The following DNMT1 variants were observed in gnomAD, a reference collection of about 807,000 sequenced individuals.
DNMT1 encodes the protein DNA methyltransferase 1.
Under a neutral mutation model 205.3 loss-of-function variants are expected in DNMT1, and 24 were observed. The observed-to-expected ratio is 0.12, with a 90% CI of 0.08 to 0.16. The LOEUF is 0.16. DNMT1 is among the 10% of genes least tolerant of loss of function. The pLI, the probability that DNMT1 is intolerant of heterozygous loss-of-function variation, is 1.00. For missense variants in DNMT1, 1,293 were observed against 2,177.7 expected (o/e 0.59, Z 8.09); for synonymous variants, 817 against 839.8 (o/e 0.97, Z 0.47).
At chr19:10,172,671 C>T (rs1375178928) in intron 9 of DNMT1, among the ~76,000 whole-genome samples, 3 of 151,530 alleles carry the variant, frequency 2.0e-5, no homozygotes, top group African/African-American at 7.3e-5. Context: ...TAAAATTAGC[C>T]GAGTATGGCG....
rs760739305 is a variant in DNMT1, at chr19:10,194,801, T to TC, written c.80+18dup. Reference sequence around the variant, plus strand: ...CCTGCCTGTCCCCCTGAGTCCGTGTTCCCCCCCATGGTACCTACCGCCTGC... The same window carrying TC: ...CCTGCCTGTCCCCCTGAGTCCGTGTTCCCCCCCCATGGTACCTACCGCCTGC... On this transcript the variant is annotated intron_variant, in intron 1 of 40. Coordinates refer to ENST00000359526, the MANE Select transcript of DNMT1 (RefSeq NM_001130823.3). 7.6e-5 allele frequency: 123 copies of TC among 1,609,360 alleles called. No homozygotes were observed. Among genetic ancestry groups the TC allele is most frequent in the South Asian group, 2.5e-4 (23 of 90,698 alleles).
In DNMT1 at chr19:10,133,745, G is replaced by A. The variant is rs200717730; in HGVS notation, c.4865-44C>T. 25 of 1,561,032 alleles carry A rather than the reference G, an allele frequency of 1.6e-5. No homozygotes were observed. The East Asian group carries it at 1.9e-4, about 12-fold the overall frequency. On this transcript the variant is annotated intron_variant, in intron 40 of 40. Transcript: ENST00000359526. The surrounding 1 kb of genome is among the most constrained non-coding windows in gnomAD (Gnocchi z 4.1). ...AAAAGTCACTCTGGGGAACACGCCC[G>A]GTGTCACGCCACTTGACAGGCGAGT...
chr19:10,172,000 C>A (rs1411625034), intron 9 of DNMT1, among the ~76,000 whole-genome samples: 1 of 149,742 alleles, frequency 6.7e-6, no homozygotes, highest in Non-Finnish European at 1.5e-5. Context: ...GAGCGGGAGA[C>A]TGTCTCAAAA....
At chr19:10,175,084 T>TATACACACAC (rs2038908794) in intron 7 of DNMT1, among the ~76,000 whole-genome samples, 4 of 113,904 alleles carry the variant, frequency 3.5e-5, no homozygotes, top group Non-Finnish European at 7.2e-5. Flanking sequence ...CATACATACA[T>TATACACACAC]ACACACACAC....
In DNMT1 at chr19:10,175,637, C is replaced by T; in HGVS notation, c.570-19G>A. 1 of 1,613,834 alleles carries T rather than the reference C, an allele frequency of 6.2e-7. No homozygotes were observed. The highest frequency in any genetic ancestry group is 1.1e-5 in the South Asian group (1 of 91,066). On this transcript the variant is annotated intron_variant, in intron 6 of 40. Coordinates refer to ENST00000359526, the MANE Select transcript of DNMT1 (RefSeq NM_001130823.3). The stretch of plus-strand genomic sequence containing the variant: ...GGCAGGGCTGTCACACACAGTGAGG[C>T]CAACCATTAGTGGAACAAGACCCTA...
At chr19:10,177,868 G>A (rs1456977600) in intron 5 of DNMT1, among the ~76,000 whole-genome samples, 1 of 151,468 alleles carries the variant, frequency 6.6e-6, no homozygotes, top group East Asian at 1.9e-4. Context: ...AGGAGATGGG[G>A]GTTGCCGTGA....
intron 17 of DNMT1, among the ~76,000 whole-genome samples, chr19:10,157,441 G>A (rs1169091654): frequency 2.6e-5 from 4 of 152,120 alleles, no homozygotes; most frequent in African/African-American, 7.2e-5. Context: ...TTGACATTCG[G>A]GAGCACGTTC....
chr19:10,171,566 G>A (rs188335085), intron 9 of DNMT1, among the ~76,000 whole-genome samples: 1 of 152,282 alleles, frequency 6.6e-6, no homozygotes, highest in African/African-American at 2.4e-5. Context: ...AGCACTTTGG[G>A]AGGCCGAGAT....
chr19:10,136,296 C>T lies in DNMT1; in HGVS notation c.4490-9G>A, dbSNP rs2089481471. The T allele has an allele frequency of 1.2e-6, 2 of 1,613,570 alleles. No homozygotes were observed. The highest frequency in any genetic ancestry group is 1.7e-6 in the Non-Finnish European group (2 of 1,179,988). The stretch of plus-strand genomic sequence containing the variant: ...GTCGCAGGCTTTGCCGGCTGGAAGA[C>T]AGGACAGTGATGAGGCTGCAGTTGT... On this transcript the variant is annotated splice_polypyrimidine_tract_variant and intron_variant, in intron 37 of 40. Coordinates refer to ENST00000359526, the MANE Select transcript of DNMT1 (RefSeq NM_001130823.3).
Position 10,144,361 on chromosome 19 carries a change from T to C in DNMT1, c.2895-374A>G, listed in dbSNP as rs541211091. 45 of 334,872 alleles carry C rather than the reference T, an allele frequency of 1.3e-4. 1 individual carries two copies. The highest frequency in any genetic ancestry group is 6.2e-4 in the African/African-American group (29 of 46,552). 20.7% of individuals were successfully genotyped at this position (334,872 alleles called of 1,614,324 possible). Reference sequence around the variant, plus strand: ...AGGCAGAGGTTGCAGTGAGCTGAGATTGTGCCACTGCACTCCAGCCTGTGT... The same window carrying C: ...AGGCAGAGGTTGCAGTGAGCTGAGACTGTGCCACTGCACTCCAGCCTGTGT... On this transcript the variant is annotated intron_variant, in intron 28 of 40. Coordinates refer to ENST00000359526, the MANE Select transcript of DNMT1 (RefSeq NM_001130823.3).
At chr19:10,174,205 T>C (rs1334985102) in intron 7 of DNMT1, among the ~76,000 whole-genome samples, 1 of 152,180 alleles carries the variant, frequency 6.6e-6, no homozygotes, top group Non-Finnish European at 1.5e-5. Context: ...AGGAATTTGT[T>C]TAATTTATTT....
chr19:10,190,060 C>T (rs1284735108), intron 1 of DNMT1, among the ~76,000 whole-genome samples: 4 of 152,128 alleles, frequency 2.6e-5, no homozygotes, highest in Admixed American at 6.6e-5. Context: ...TAGAATTCTA[C>T]CACAGGGGAG....
chr19:10,163,134 G>C (rs542044576), intron 12 of DNMT1, among the ~76,000 whole-genome samples, 192 bp downstream of exon 12: 2 of 151,966 alleles, frequency 1.3e-5, no homozygotes, highest in African/African-American at 2.4e-5. Flanking sequence ...GCTAATTTTT[G>C]TATTTTTAGT....
chr19:10,133,589 A>G lies in DNMT1; in HGVS notation c.*78T>C. The G allele has an allele frequency of 2.0e-6, 3 of 1,501,498 alleles. No homozygotes were observed. The South Asian group carries it at 3.6e-5, about 18-fold the overall frequency. The allele number at this position is 1,501,498 out of a possible 1,614,324, so 93.0% of individuals were successfully genotyped here. On this transcript the variant is annotated 3_prime_UTR_variant, in exon 41 of 41. Transcript: ENST00000359526. The surrounding 1 kb of genome is among the most constrained non-coding windows in gnomAD (Gnocchi z 4.1). The stretch of plus-strand genomic sequence containing the variant: ...ATGTACCACACATGTGAACGGACAG[A>G]TTGACATGTTAAAAACACAACATCA...
intron 26 of DNMT1, 100 bp downstream of exon 26, chr19:10,149,353 C>G: frequency 7.3e-7 from 1 of 1,378,562 alleles, no homozygotes; most frequent in Non-Finnish European, 1.0e-6. Flanking sequence ...AAAAAAAAAA[C>G]CAAATTAAAA....
chr19:10,194,842 G>A lies in DNMT1; in HGVS notation c.58C>T (p.Leu20=). 1 of 1,611,876 alleles carries A rather than the reference G, an allele frequency of 6.2e-7. No individual in the cohort carries two copies. The highest frequency in any genetic ancestry group is 1.1e-5 in the South Asian group (1 of 90,924). ...VPTLAVPAIS[L]PDDVRRRLKD... The stretch of plus-strand genomic sequence containing the variant: ...TACCGCCTGCGGACATCGTCGGGCA[G>A]CGAGATGGCCGGGACGGCCAGTGTG... The change falls in exon 1 of 41, where the codon CTG becomes TTG. Residue 20 remains leucine, a synonymous_variant. Coordinates refer to ENST00000359526, the MANE Select transcript of DNMT1 (RefSeq NM_001130823.3).
chr19:10,179,525 C>T (rs1379522431), intron 5 of DNMT1, among the ~76,000 whole-genome samples: 1 of 152,082 alleles, frequency 6.6e-6, no homozygotes, highest in Non-Finnish European at 1.5e-5. Context: ...TGAGCCACCA[C>T]ACCCCCAGCT....
intron 1 of DNMT1, among the ~76,000 whole-genome samples, chr19:10,193,872 T>C (rs2039348779): frequency 1.3e-5 from 2 of 152,210 alleles, no homozygotes; most frequent in South Asian, 2.1e-4. Context: ...CACACCTCAC[T>C]TGAACAAGTT....
At chr19:10,194,771 A>G in intron 1 of DNMT1, 49 bp downstream of exon 1, 1 of 1,535,404 alleles carries the variant, frequency 6.5e-7, no homozygotes, top group East Asian at 2.5e-5. Flanking sequence ...CCCCCCACCC[A>G]GCGCCCTGCC....
Sources: gnomAD v4.1 joint callset for allele counts (sites outside exome capture counted in the v4.1 genomes callset) on GRCh38, gnomAD v4.1.1 for gene constraint, Gnocchi (gnomAD v3.1) non-coding constraint, MANE v1.5 for transcripts, NCBI Gene and HGNC (gene_info 2026-07-23, HGNC 2026-07-21) for gene names.